PTBP3: variants seen among roughly 807,000 people sequenced by gnomAD.
PTBP3 encodes polypyrimidine tract binding protein 3.
Under a neutral mutation model 58.7 loss-of-function variants are expected in PTBP3, and 20 were observed. The ratio of observed to expected loss-of-function variants is 0.34; its 90% confidence interval spans 0.24 to 0.50. The LOEUF (loss-of-function observed/expected upper bound fraction) is 0.50. Ranked by LOEUF, PTBP3 falls within the 20% of genes least tolerant of loss-of-function variation. The pLI is 0.98. For synonymous variants in PTBP3, 185 were observed against 219.8 expected (o/e 0.84, Z 1.40); for missense variants, 509 against 637.2 (o/e 0.80, Z 2.17).
At chr9:112,300,454 C>A (rs1828867974) in intron 1 of PTBP3, among the ~76,000 whole-genome samples, 1 of 152,174 alleles carries the variant, frequency 6.6e-6, no homozygotes, top group African/African-American at 2.4e-5. Context: ...ATCTCACAAA[C>A]CTAAAACGTC....
chr9:112,320,314 A>ATATTT, intron 1 of PTBP3, among the ~76,000 whole-genome samples: 18 of 75,688 alleles, frequency 2.4e-4, no homozygotes, highest in African/African-American at 1.1e-3. Context: ...ATATATATAT[A>ATATTT]TTTTTTTTTA....
At chr9:112,252,606 T>C in intron 6 of PTBP3, 72 bp downstream of exon 6, 2 of 1,157,406 alleles carry the variant, frequency 1.7e-6, no homozygotes, top group Non-Finnish European at 2.6e-6. Context: ...AAACACATGG[T>C]AAAGTGGGGC....
Position 112,223,227 on chromosome 9 carries a change from T to G in PTBP3, c.*624A>C, listed in dbSNP as rs1458979813. On this transcript the variant is annotated 3_prime_UTR_variant, in exon 14 of 14. Coordinates refer to ENST00000374257, the MANE Select transcript of PTBP3 (RefSeq NM_001163788.4). ...TTAAAAAGTTAAAGATAGGCATTAT[T>G]TAAAGGAGTGTCTTACAGTGAAAAA... 3 of 939,990 alleles carry G rather than the reference T, an allele frequency of 3.2e-6. No homozygotes were observed. The allele number at this position is 939,990 out of a possible 1,614,324, so 58.2% of individuals were successfully genotyped here. A position where few individuals can be genotyped will look rare whatever the true frequency, so the allele number is the denominator to read the frequency against.
chr9:112,326,240 G>A (rs149557757), intron 1 of PTBP3, among the ~76,000 whole-genome samples: 1 of 152,270 alleles, frequency 6.6e-6, no homozygotes, highest in African/African-American at 2.4e-5. Flanking sequence ...CAGTTTAAAA[G>A]GAAAAGGATT....
chr9:112,335,528 C>A (rs1199431577), upstream of PTBP3, among the ~76,000 whole-genome samples: 2 of 151,044 alleles, frequency 1.3e-5, no homozygotes, highest in East Asian at 3.9e-4. Context: ...TTGTGATCCA[C>A]CCACCTCAGC....
chr9:112,363,638 TATTA>T, the PTBP3 span, among the ~76,000 whole-genome samples: 1 of 152,152 alleles, frequency 6.6e-6, no homozygotes, highest in Non-Finnish European at 1.5e-5. Context: ...TTATTTATTC[TATTA>T]ATTGATCTAT....
chr9:112,259,125 G>C (rs1836490697), intron 5 of PTBP3, among the ~76,000 whole-genome samples: 1 of 151,974 alleles, frequency 6.6e-6, no homozygotes, highest in Admixed American at 6.6e-5. Context: ...CTAATATTTT[G>C]TATTTTTGGT....
chr9:112,272,144 C>T (rs1233077395), intron 3 of PTBP3, among the ~76,000 whole-genome samples: 2 of 152,164 alleles, frequency 1.3e-5, no homozygotes, highest in South Asian at 2.1e-4. Context: ...CTCACTGCAA[C>T]GTCCACTTCC....
intron 7 of PTBP3, among the ~76,000 whole-genome samples, chr9:112,240,496 C>T (rs1835611784): frequency 6.6e-6 from 1 of 151,938 alleles, no homozygotes; most frequent in Non-Finnish European, 1.5e-5. Flanking sequence ...TGGAATAAAA[C>T]TCTATAAAAG....
chr9:112,364,838 C>A, the PTBP3 span, among the ~76,000 whole-genome samples: 1 of 152,160 alleles, frequency 6.6e-6, no homozygotes, highest in African/African-American at 2.4e-5. Flanking sequence ...GGCATACTTA[C>A]ATACATTACC....
At position 112,228,404 on chromosome 9, in the gene PTBP3, C is replaced by A; in HGVS notation, c.1123G>T (p.Ala375Ser). 1 of 1,606,740 alleles carries A rather than the reference C, an allele frequency of 6.2e-7. No homozygotes were observed. Among genetic ancestry groups the A allele is most frequent in the Non-Finnish European group, 8.5e-7 (1 of 1,177,778 alleles). ...CCTAGCTGAGCTTGATTTGCATCCG[C>A]CATCTGAACCAAGGCATTTTCTTTC... ...NKKENALVQM[A>S]DANQAQLAMN... The change falls in exon 11 of 14, where the codon GCG (alanine) becomes TCG (serine). Residue 375 changes from alanine to serine, a missense_variant. Transcript: ENST00000374257.
At chr9:112,341,514 G>T in the PTBP3 span, among the ~76,000 whole-genome samples, 1 of 151,940 alleles carries the variant, frequency 6.6e-6, no homozygotes, top group Non-Finnish European at 1.5e-5. Flanking sequence ...GTGTGTTGTT[G>T]TTGTTTTTGT....
chr9:112,333,000 C>A, intron 1 of PTBP3: 1 of 1,289,828 alleles, frequency 7.8e-7, no homozygotes. Context: ...GACGCGTGCA[C>A]CCGCCGTCGG....
chr9:112,269,563 G>A (rs1254945187), intron 3 of PTBP3, among the ~76,000 whole-genome samples: 1 of 152,158 alleles, frequency 6.6e-6, no homozygotes, highest in Non-Finnish European at 1.5e-5. Context: ...ATCTATGCCT[G>A]GCTATGACAC....
chr9:112,297,967 TC>T, intron 1 of PTBP3, 51 bp from the exon 2 acceptor site: 2 of 1,393,840 alleles, frequency 1.4e-6, no homozygotes, highest in Non-Finnish European at 1.0e-6. Flanking sequence ...TAGATAATGG[TC>T]CATATTTACT....
At position 112,223,901 on chromosome 9, in the gene PTBP3, G is replaced by A. The variant is rs147504197; in HGVS notation, c.1525C>T (p.Leu509Phe). 6.2e-7 allele frequency: 1 copy of A among 1,613,630 alleles called. No individual in the cohort carries two copies. The highest frequency in any genetic ancestry group is 8.5e-7 in the Non-Finnish European group (1 of 1,179,684). Residue 509 changes from leucine to phenylalanine, a missense_variant, in exon 14 of 14, where the codon CTT becomes TTT. This residue lies in a region of PTBP3 where 135 missense variants were observed against 229.0 expected (regional missense o/e 0.59). Transcript: ENST00000374257. Reference protein sequence around the residue: ...QALIELHNHDLGENHHLRVSF... With the variant: ...QALIELHNHDFGENHHLRVSF... ...ACTCTGAGGTGGTGATTTTCTCCAA[G>A]GTCATGGTTATGAAGCTCAATGAGG...
rs992493127 is a variant in PTBP3, at chr9:112,220,637, T to A, written c.*3214A>T. On this transcript the variant is annotated 3_prime_UTR_variant, in exon 14 of 14. Transcript: ENST00000374257. ...ATTTATGGCATTCTGTAAGAGCTGCTGGGTAATTCTGATACTCTCCAGTAA... is the reference window on the plus strand; with the variant it reads ...ATTTATGGCATTCTGTAAGAGCTGCAGGGTAATTCTGATACTCTCCAGTAA... The A allele has an allele frequency of 5.0e-6, 5 of 993,866 alleles. No homozygotes were observed. Among genetic ancestry groups the A allele is most frequent in the Non-Finnish European group, 6.0e-6 (5 of 834,864 alleles). The allele number at this position is 993,866 out of a possible 1,614,324, so 61.6% of individuals were successfully genotyped here.
intron 12 of PTBP3, among the ~76,000 whole-genome samples, chr9:112,225,806 C>T (rs1834965331): frequency 6.6e-6 from 1 of 152,104 alleles, no homozygotes; most frequent in Non-Finnish European, 1.5e-5. Context: ...TCTCTAATCC[C>T]AACACTTTGG....
At chr9:112,243,831 AC>A (rs1246071034) in intron 7 of PTBP3, among the ~76,000 whole-genome samples, 3 of 152,182 alleles carry the variant, frequency 2.0e-5, no homozygotes, top group African/African-American at 7.2e-5. Context: ...AATCTTCACA[AC>A]CCTACCAGTT....
Sources: gnomAD v4.1 joint callset for allele counts (sites outside exome capture counted in the v4.1 genomes callset) on GRCh38, gnomAD v4.1.1 for gene constraint, gnomAD v4.1.1 regional missense constraint, MANE v1.5 for transcripts, NCBI Gene and HGNC (gene_info 2026-07-23, HGNC 2026-07-21) for gene names.